The following TLCD4 variants were observed in gnomAD, a reference collection of about 807,000 sequenced individuals.
TLCD4 encodes the protein TLC domain containing 4.
In TLCD4, 7 loss-of-function variants were observed where a neutral mutation model predicts 24.2. The observed-to-expected ratio is 0.29, with a 90% CI of 0.16 to 0.54. The LOEUF is 0.54. TLCD4 is among the 20% of genes least tolerant of loss of function. TLCD4 has a pLI of 0.95. For synonymous variants in TLCD4, 103 were observed against 106.4 expected (o/e 0.97, Z 0.20); for missense variants, 259 against 313.9 (o/e 0.82, Z 1.32).
the TLCD4 span, among the ~76,000 whole-genome samples, chr1:95,100,410 A>C: frequency 6.6e-6 from 1 of 152,050 alleles, no homozygotes; most frequent in African/African-American, 2.4e-5. Context: ...CCTTGTCTCT[A>C]CTAAAAATAC....
chr1:95,130,687 A>G (rs1381196770), intron 1 of TLCD4, among the ~76,000 whole-genome samples: 1 of 152,218 alleles, frequency 6.6e-6, no homozygotes, highest in African/African-American at 2.4e-5. Context: ...GTTTGCAGAT[A>G]GAGACTTTTA....
intron 6 of TLCD4, among the ~76,000 whole-genome samples, chr1:95,183,356 C>G (rs1009116370): frequency 3.9e-5 from 6 of 151,954 alleles, no homozygotes; most frequent in Admixed American, 1.3e-4. Flanking sequence ...TCAAAAGTGA[C>G]AGAGAATTAG....
At chr1:95,105,981 GT>G in the TLCD4 span, among the ~76,000 whole-genome samples, 1 of 151,726 alleles carries the variant, frequency 6.6e-6, no homozygotes, top group African/African-American at 2.4e-5. Flanking sequence ...GGAGGCAGTT[GT>G]TCTAATGCAG....
At chr1:95,096,774 T>G in the TLCD4 span, among the ~76,000 whole-genome samples, 1 of 152,172 alleles carries the variant, frequency 6.6e-6, no homozygotes, top group Non-Finnish European at 1.5e-5. Context: ...CTTTTTGATA[T>G]AGCAGTGCAA....
At chr1:95,128,713 C>T (rs970703097) in intron 1 of TLCD4, among the ~76,000 whole-genome samples, 1 of 152,112 alleles carries the variant, frequency 6.6e-6, no homozygotes, top group Non-Finnish European at 1.5e-5. Context: ...TATAGAAATT[C>T]CTACAAGTAG....
At chr1:95,186,683 G>A (rs1678841155) in intron 6 of TLCD4, among the ~76,000 whole-genome samples, 1 of 152,188 alleles carries the variant, frequency 6.6e-6, no homozygotes, top group Non-Finnish European at 1.5e-5. Flanking sequence ...AGAAGAGAAG[G>A]CTTGAGGATC....
At chr1:95,100,508 G>A in the TLCD4 span, among the ~76,000 whole-genome samples, 2 of 152,134 alleles carry the variant, frequency 1.3e-5, no homozygotes, top group Non-Finnish European at 2.9e-5. Flanking sequence ...CCAGGAGGCA[G>A]AGGTTGCAGT....
rs752890074 is a variant in TLCD4, at chr1:95,191,872, AGTGCTACCG to A, written c.*5_*13del. On this transcript the variant is annotated 3_prime_UTR_variant, in exon 7 of 7. Transcript: ENST00000370203. ...TCAGAATGGAAAACTTGATTAAAAG[AGTGCTACCG>A]ATAAGCAAACTTCATTACTACCCAG... is the stretch of plus-strand genomic sequence containing the variant. 1 of 1,609,812 alleles carries A rather than the reference AGTGCTACCG, an allele frequency of 6.2e-7. No homozygotes were observed. The highest frequency in any genetic ancestry group is 2.2e-5 in the East Asian group (1 of 44,846).
chr1:95,144,204 T>C, intron 2 of TLCD4, 148 bp downstream of exon 2: 1 of 1,057,064 alleles, frequency 9.5e-7, no homozygotes, highest in Non-Finnish European at 1.2e-6. Context: ...AACAAGTAGA[T>C]GATCTCATGC....
chr1:95,133,954 C>T (rs987387596), intron 1 of TLCD4, among the ~76,000 whole-genome samples: 1 of 151,370 alleles, frequency 6.6e-6, no homozygotes, highest in Non-Finnish European at 1.5e-5. Context: ...GGGATGTAAG[C>T]TGATTAAAGA....
intron 1 of TLCD4, among the ~76,000 whole-genome samples, chr1:95,142,125 A>T (rs969366981): frequency 1.8e-5 from 2 of 111,798 alleles, no homozygotes; most frequent in African/African-American, 3.3e-5. Flanking sequence ...CAAATGCCTT[A>T]GTGCCTTTTT....
Position 95,191,584 on chromosome 1 carries a change from T to C in TLCD4, c.508T>C (p.Ser170Pro). ...FFEALKYPKF[S>P]KAIVINGILM... ...TGAAGCTCTGAAGTATCCCAAGTTTTCTAAAGCTATCGTTATCAATGGAAT... is the reference window on the plus strand; with the variant it reads ...TGAAGCTCTGAAGTATCCCAAGTTTCCTAAAGCTATCGTTATCAATGGAAT... The change falls in exon 7 of 7, where the codon TCT becomes CCT. Residue 170 changes from serine (S) to proline (P), a missense_variant. Ser to Pro is a moderately conservative substitution (Grantham distance 74, BLOSUM62 -1). Transcript: ENST00000370203. The C allele has an allele frequency of 6.2e-7, 1 of 1,613,456 alleles. No homozygotes were observed. Among genetic ancestry groups the C allele is most frequent in the Non-Finnish European group, 8.5e-7 (1 of 1,179,784 alleles).
chr1:95,115,391 AG>A (rs565341438), upstream of TLCD4, among the ~76,000 whole-genome samples: 929 of 152,232 alleles, frequency 6.1e-3, 6 homozygotes, highest in African/African-American at 0.021. Context: ...TACAGGCGTG[AG>A]CCACTGCACC....
upstream of TLCD4, among the ~76,000 whole-genome samples, chr1:95,115,644 G>A (rs1676415528): frequency 6.6e-6 from 1 of 152,170 alleles, no homozygotes; most frequent in Non-Finnish European, 1.5e-5. Context: ...CATTTGTAGA[G>A]GCCTAATATG....
chr1:95,120,857 C>T (rs1304713599), intron 1 of TLCD4, among the ~76,000 whole-genome samples: 1 of 152,166 alleles, frequency 6.6e-6, no homozygotes, highest in Non-Finnish European at 1.5e-5. Context: ...AAACTCATAA[C>T]GTGTTAGTGG....
At chr1:95,141,792 TAC>T (rs3075917) in intron 1 of TLCD4, among the ~76,000 whole-genome samples, 24,899 of 138,394 alleles carry the variant, frequency 0.18, 2,347 homozygotes, top group African/African-American at 0.27. Context: ...TTTTACCAAG[TAC>T]ACACACACAC....
chr1:95,144,836 A>G (rs1677304069), intron 2 of TLCD4, among the ~76,000 whole-genome samples: 1 of 152,000 alleles, frequency 6.6e-6, no homozygotes, highest in South Asian at 2.1e-4. Flanking sequence ...GATTACAGGC[A>G]TGCGCCACCA....
the TLCD4 span, among the ~76,000 whole-genome samples, chr1:95,093,817 T>C: frequency 6.6e-6 from 1 of 152,242 alleles, no homozygotes; most frequent in East Asian, 1.9e-4. Flanking sequence ...AGACTTCAAC[T>C]ATAACATGTC....
intron 6 of TLCD4, among the ~76,000 whole-genome samples, chr1:95,185,958 G>T (rs562999741): frequency 2.8e-4 from 43 of 152,268 alleles, no homozygotes; most frequent in Non-Finnish European, 3.4e-4. Context: ...GAAGGGAATT[G>T]ACTTGAATGG....
Sources: gnomAD v4.1 joint callset for allele counts (sites outside exome capture counted in the v4.1 genomes callset) on GRCh38, gnomAD v4.1.1 for gene constraint, MANE v1.5 for transcripts, NCBI Gene and HGNC (gene_info 2026-07-23, HGNC 2026-07-21) for gene names.